Variants in NCOA1 observed in about 807,000 individuals in gnomAD.
The protein encoded by NCOA1 is nuclear receptor coactivator 1.
NCOA1 carries 35 observed loss-of-function variants against 150.9 expected under a neutral mutation model. That is an observed-to-expected ratio of 0.23 (90% CI 0.18 to 0.31). The LOEUF (loss-of-function observed/expected upper bound fraction) is 0.31, where lower values mean the gene tolerates loss of function less well. Ranked by LOEUF, NCOA1 falls within the 10% of genes least tolerant of loss-of-function variation. The probability of loss-of-function intolerance (pLI) is 1.00; values close to 1 mark genes in which losing one functional copy is unlikely to be tolerated. For synonymous variants in NCOA1, 590 were observed against 630.0 expected, an observed-to-expected ratio of 0.94 and a Z score of 0.95; for missense variants, 1,491 against 1,749.3, an observed-to-expected ratio of 0.85 and a Z score of 2.63.
intron 3 of NCOA1, among the ~76,000 whole-genome samples, chr2:24,635,148 A>G (rs1181020180): frequency 6.6e-6 from 1 of 152,090 alleles, no homozygotes; most frequent in Non-Finnish European, 1.5e-5. Flanking sequence ...ACATCAGATG[A>G]TCTGCATCAT....
chr2:24,533,577 G>C (rs1007349641), intron 1 of NCOA1, among the ~76,000 whole-genome samples: 9 of 152,166 alleles, frequency 5.9e-5, no homozygotes, highest in Non-Finnish European at 1.3e-4. Context: ...GATATTGGCT[G>C]TGGGTTTCTC....
At chr2:24,557,146 G>A (rs528967632) in intron 1 of NCOA1, among the ~76,000 whole-genome samples, 2 of 105,246 alleles carry the variant, frequency 1.9e-5, no homozygotes, top group Admixed American at 1.3e-4. Context: ...TTTGCTAAAT[G>A]TTTTCATGGG....
At chr2:24,502,336 T>C (rs1430825808) in intron 1 of NCOA1, among the ~76,000 whole-genome samples, 1 of 152,214 alleles carries the variant, frequency 6.6e-6, no homozygotes, top group Non-Finnish European at 1.5e-5. Context: ...TTTTGTAGGC[T>C]CTTTTCTCCT....
intron 3 of NCOA1, among the ~76,000 whole-genome samples, chr2:24,634,876 C>T (rs767884570): frequency 1.3e-5 from 2 of 151,984 alleles, no homozygotes; most frequent in African/African-American, 2.4e-5. Context: ...CCACCTTGCC[C>T]GGCTTATTTT....
intron 3 of NCOA1, among the ~76,000 whole-genome samples, chr2:24,609,523 T>C (rs1268587804): frequency 6.6e-6 from 1 of 152,144 alleles, no homozygotes; most frequent in Non-Finnish European, 1.5e-5. Flanking sequence ...AGGCTGAGAC[T>C]AGGAGGATTG....
intron 14 of NCOA1, among the ~76,000 whole-genome samples, chr2:24,718,031 G>A (rs1171281947): frequency 6.6e-6 from 1 of 151,652 alleles, no homozygotes; most frequent in Admixed American, 6.6e-5. Flanking sequence ...CAAGTAGCTG[G>A]GATTACAGGT....
intron 3 of NCOA1, among the ~76,000 whole-genome samples, chr2:24,619,448 A>G (rs12614609): frequency 0.066 from 10,082 of 152,208 alleles, 372 homozygotes; most frequent in East Asian, 0.12. Flanking sequence ...TACTCTCTCA[A>G]CTACCCTTAT....
At chr2:24,567,384 G>C (rs1027225624) in intron 2 of NCOA1, among the ~76,000 whole-genome samples, 1 of 151,986 alleles carries the variant, frequency 6.6e-6, no homozygotes, top group Non-Finnish European at 1.5e-5. Context: ...CTTTCACTTA[G>C]GAACATTAGT....
At chr2:24,506,012 A>G (rs1663678499) in intron 1 of NCOA1, among the ~76,000 whole-genome samples, 1 of 151,786 alleles carries the variant, frequency 6.6e-6, no homozygotes, top group Non-Finnish European at 1.5e-5. Flanking sequence ...ATGAGTGAGC[A>G]TTGGGAGCCA....
At chr2:24,545,013 A>G (rs1665552171) in intron 1 of NCOA1, among the ~76,000 whole-genome samples, 1 of 152,160 alleles carries the variant, frequency 6.6e-6, no homozygotes. Flanking sequence ...TAATATTGAT[A>G]CAGATTCAGA....
intron 1 of NCOA1, among the ~76,000 whole-genome samples, chr2:24,526,892 T>TA (rs567090626): frequency 1.3e-5 from 2 of 152,048 alleles, no homozygotes. Context: ...TAATACAGAT[T>TA]AAAAAAATAC....
rs1313364158 is a variant in NCOA1, at chr2:24,679,829, T to G, written c.355-3122T>G. Reference sequence around the variant, plus strand: ...TCACGTCCCTATCTCCTTTGCATTATGGACTAAGTAAGTCACGGCGATCGG... The same window carrying G: ...TCACGTCCCTATCTCCTTTGCATTAGGGACTAAGTAAGTCACGGCGATCGG... On this transcript the variant is annotated intron_variant, in intron 7 of 22. Transcript: ENST00000348332. Among the ~76,000 whole-genome samples, 3 of 152,340 alleles carry G rather than the reference T, an allele frequency of 2.0e-5. No homozygotes were observed. In the East Asian group the frequency reaches 5.8e-4, roughly 29 times the overall value.
intron 19 of NCOA1, among the ~76,000 whole-genome samples, chr2:24,747,387 T>G (rs1572677478): frequency 6.8e-6 from 1 of 147,436 alleles, no homozygotes; most frequent in Non-Finnish European, 1.5e-5. Context: ...TGCCCAGGAG[T>G]GGCGTGATCA....
intron 1 of NCOA1, among the ~76,000 whole-genome samples, chr2:24,554,127 A>G (rs952598227): frequency 6.6e-6 from 1 of 152,092 alleles, no homozygotes; most frequent in Non-Finnish European, 1.5e-5. Context: ...ATTTAGTTTC[A>G]TTGAACTTTT....
At chr2:24,628,955 A>G (rs1669552802) in intron 3 of NCOA1, among the ~76,000 whole-genome samples, 1 of 152,074 alleles carries the variant, frequency 6.6e-6, no homozygotes, top group Admixed American at 6.5e-5. Flanking sequence ...AGAATAGTGG[A>G]TTTGTGTGTG....
At chr2:24,527,015 G>C (rs1664680893) in intron 1 of NCOA1, among the ~76,000 whole-genome samples, 1 of 152,148 alleles carries the variant, frequency 6.6e-6, no homozygotes, top group Non-Finnish European at 1.5e-5. Context: ...TTTTACATAA[G>C]GAAGTTGAGC....
chr2:24,595,919 C>T (rs1335427176), intron 3 of NCOA1, among the ~76,000 whole-genome samples: 1 of 152,098 alleles, frequency 6.6e-6, no homozygotes, highest in Non-Finnish European at 1.5e-5. Context: ...TGTTCTTACA[C>T]TGTATATGGA....
intron 1 of NCOA1, among the ~76,000 whole-genome samples, chr2:24,550,449 T>G (rs1665779679): frequency 6.6e-6 from 1 of 152,184 alleles, no homozygotes. Context: ...CTTACATGGA[T>G]GGCAGCAGGT....
chr2:24,629,982 T>C (rs955640453), intron 3 of NCOA1, among the ~76,000 whole-genome samples: 1 of 151,664 alleles, frequency 6.6e-6, no homozygotes, highest in African/African-American at 2.4e-5. Context: ...TAGCTGGGAC[T>C]ACAGGCATCT....
Sources: allele counts gnomAD v4.1 joint callset (sites outside exome capture counted in the v4.1 genomes callset), GRCh38; gene constraint gnomAD v4.1.1; transcripts MANE v1.5; gene names NCBI Gene and HGNC (gene_info 2026-07-23, HGNC 2026-07-21).